Variants in GABRG3 observed in about 807,000 individuals in gnomAD.
The protein encoded by GABRG3 is gamma-aminobutyric acid type A receptor subunit gamma3.
GABRG3 carries 25 observed loss-of-function variants against 48.8 expected under a neutral mutation model. The observed-to-expected ratio is 0.51, with a 90% confidence interval of 0.37 to 0.72. The LOEUF is 0.72. Among genes scored for constraint, GABRG3 ranks in the 30% least tolerant of loss-of-function variants. The pLI, the probability that GABRG3 is intolerant of heterozygous loss-of-function variation, is 0.00. For missense variants in GABRG3, 394 were observed against 577.9 expected (o/e 0.68, Z 3.26); for synonymous variants, 227 against 217.6 (o/e 1.04, Z -0.38).
rs556595086 is a variant in GABRG3, at chr15:27,352,005, T to C, written c.574+23117T>C. On this transcript the variant is annotated intron_variant, in intron 5 of 9. Transcript: ENST00000615808. The surrounding 1 kb of genome is among the most constrained non-coding windows in gnomAD (Gnocchi z 4.0). ...TGTGTATGGTGTGTGTGTGTATATA[T>C]GATGTGTGGGTTTATGGTGTATGCG... Among the ~76,000 whole-genome samples, 1 of 150,790 alleles carries C rather than the reference T, an allele frequency of 6.6e-6. No homozygotes were observed. Among genetic ancestry groups the C allele is most frequent in the South Asian group, 2.1e-4 (1 of 4,762 alleles).
At chr15:26,999,142 AAC>A (rs1031829476) in intron 2 of GABRG3, among the ~76,000 whole-genome samples, 12 of 151,920 alleles carry the variant, frequency 7.9e-5, no homozygotes, top group African/African-American at 2.7e-4. Flanking sequence ...AAAAAAAAAA[AAC>A]ACAATGAAAA....
intron 5 of GABRG3, among the ~76,000 whole-genome samples, chr15:27,466,082 G>A (rs543683784): frequency 6.6e-6 from 1 of 152,156 alleles, no homozygotes; most frequent in Non-Finnish European, 1.5e-5. Flanking sequence ...TCAATTCAAG[G>A]CCCCTTATTT....
At chr15:27,291,683 A>G (rs963362390) in intron 3 of GABRG3, among the ~76,000 whole-genome samples, 2 of 152,226 alleles carry the variant, frequency 1.3e-5, no homozygotes, top group Non-Finnish European at 2.9e-5. Flanking sequence ...TTTTGTCAAA[A>G]TCATTGAACT....
At chr15:27,439,779 G>T (rs1401383496) in intron 5 of GABRG3, among the ~76,000 whole-genome samples, 3 of 152,278 alleles carry the variant, frequency 2.0e-5, no homozygotes, top group South Asian at 4.1e-4. Flanking sequence ...ACTGGAATTT[G>T]GGATCTCCCA....
chr15:27,347,404 C>T (rs1401599757), intron 5 of GABRG3, among the ~76,000 whole-genome samples: 1 of 152,172 alleles, frequency 6.6e-6, no homozygotes, highest in Non-Finnish European at 1.5e-5. Flanking sequence ...TCCTCCCTTA[C>T]TCCTTTTCCC....
At chr15:27,034,303 C>T (rs1035126383) in intron 3 of GABRG3, among the ~76,000 whole-genome samples, 14 of 152,152 alleles carry the variant, frequency 9.2e-5, no homozygotes, top group African/African-American at 3.1e-4. Flanking sequence ...AGGGCCAGTT[C>T]TCTTAATGCT....
chr15:27,343,393 G>T (rs1261148274), intron 5 of GABRG3, among the ~76,000 whole-genome samples: 1 of 152,210 alleles, frequency 6.6e-6, no homozygotes, highest in African/African-American at 2.4e-5. Context: ...CTGGACTGCT[G>T]CAGCCTTACT....
chr15:27,007,546 G>A (rs4887522), intron 2 of GABRG3, among the ~76,000 whole-genome samples: 73,833 of 151,982 alleles, frequency 0.49, 18,634 homozygotes, highest in Middle Eastern at 0.61. Context: ...GTGGATAAGC[G>A]TTCCTTTTTC....
chr15:27,095,770 G>A (rs1446680563), intron 3 of GABRG3, among the ~76,000 whole-genome samples: 1 of 152,096 alleles, frequency 6.6e-6, no homozygotes, highest in Non-Finnish European at 1.5e-5. Context: ...CAGGAGGAGA[G>A]ACCTGGTCCG....
At chr15:27,094,089 G>C (rs1897235811) in intron 3 of GABRG3, among the ~76,000 whole-genome samples, 1 of 152,174 alleles carries the variant, frequency 6.6e-6, no homozygotes, top group Non-Finnish European at 1.5e-5. Flanking sequence ...ACCCTTAGTG[G>C]TTGCGAGTAT....
intron 5 of GABRG3, among the ~76,000 whole-genome samples, chr15:27,428,840 T>A (rs561857189): frequency 6.6e-6 from 1 of 152,176 alleles, no homozygotes; most frequent in African/African-American, 2.4e-5. Context: ...GGAAAAAAAA[T>A]TAGGTCAATT....
intron 1 of GABRG3, among the ~76,000 whole-genome samples, chr15:26,973,757 C>A (rs147162251): frequency 6.6e-6 from 1 of 152,318 alleles, no homozygotes; most frequent in East Asian, 1.9e-4. Context: ...ATACTTCAGA[C>A]TTTTTCTCTG....
At chr15:27,356,743 C>G (rs1894856221) in intron 5 of GABRG3, among the ~76,000 whole-genome samples, 1 of 152,040 alleles carries the variant, frequency 6.6e-6, no homozygotes, top group Admixed American at 6.5e-5. Flanking sequence ...CCTGGTGTAC[C>G]CACACAAAAA....
chr15:27,390,140 A>G (rs1255938361), intron 5 of GABRG3, among the ~76,000 whole-genome samples: 1 of 152,252 alleles, frequency 6.6e-6, no homozygotes, highest in Admixed American at 6.5e-5. Flanking sequence ...CAGAACAGAT[A>G]TTGAGCAATA....
intron 3 of GABRG3, among the ~76,000 whole-genome samples, chr15:27,176,713 G>A (rs935366071): frequency 3.3e-5 from 5 of 152,146 alleles, no homozygotes; most frequent in African/African-American, 1.2e-4. Flanking sequence ...CCCTAGCCAG[G>A]CATCACAGGA....
chr15:26,986,586 G>A (rs776097387), intron 2 of GABRG3, among the ~76,000 whole-genome samples: 2 of 152,266 alleles, frequency 1.3e-5, no homozygotes, highest in Non-Finnish European at 2.9e-5. Context: ...TGCTGTGTTG[G>A]AGCCCACTCA....
rs535072067 is a variant in GABRG3 at position 27,180,504 on chromosome 15, C to T, written c.271-146305C>T. Among the ~76,000 whole-genome samples the T allele has an allele frequency of 6.6e-5, 10 of 152,096 alleles. No homozygotes were observed. The South Asian group carries it at 1.5e-3, about 22-fold the overall frequency. On this transcript the variant is annotated intron_variant, in intron 3 of 9. Transcript: ENST00000615808. This position sits in a 1 kb window ranked among gnomAD's most constrained non-coding sequence, Gnocchi z 4.2. ...TCATCACGAAGCACCGACTGCTGCG[C>T]TTCCCTCAACAAACCCTGCTCCACG... is the stretch of plus-strand genomic sequence containing the variant.
intron 3 of GABRG3, among the ~76,000 whole-genome samples, chr15:27,226,999 AG>A (rs113870710): frequency 1.1e-4 from 17 of 152,292 alleles, no homozygotes; most frequent in African/African-American, 4.1e-4. Flanking sequence ...CGTTGATATC[AG>A]GGAAAAAAAA....
intron 3 of GABRG3, among the ~76,000 whole-genome samples, chr15:27,088,009 TTG>T (rs1328447036): frequency 1.3e-5 from 2 of 148,960 alleles, no homozygotes; most frequent in Non-Finnish European, 3.0e-5. Context: ...TGTGCCATGG[TTG>T]TGTGTGTGCA....
Sources: allele counts gnomAD v4.1 joint callset (sites outside exome capture counted in the v4.1 genomes callset), GRCh38; gene constraint gnomAD v4.1.1; non-coding constraint Gnocchi (gnomAD v3.1); transcripts MANE v1.5; gene names NCBI Gene and HGNC (gene_info 2026-07-23, HGNC 2026-07-21).